GNB1L: variants seen among roughly 807,000 people sequenced by gnomAD.
GNB1L encodes guanine nucleotide-binding protein subunit beta-like protein 1.
Under a neutral mutation model 29.1 loss-of-function variants are expected in GNB1L, and 20 were observed. The ratio of observed to expected loss-of-function variants is 0.69; its 90% CI spans 0.48 to 1.00. The LOEUF (loss-of-function observed/expected upper bound fraction) is 1.00, where lower values mean the gene tolerates loss of function less well. Ranked by LOEUF, GNB1L falls within the 50% of genes least tolerant of loss-of-function variation. GNB1L has a pLI of 0.00. For synonymous variants in GNB1L, 193 were observed against 206.5 expected (o/e 0.93, Z 0.56); for missense variants, 421 against 464.9 (o/e 0.91, Z 0.87).
Position 19,850,978 on chromosome 22 carries a change from T to C in GNB1L, c.-21+3465A>G, listed in dbSNP as rs996477205. On this transcript the variant is annotated intron_variant, in intron 2 of 7. Transcript: ENST00000329517. ...GCAGGGAAAGGGCACAGGGCGGAGG[T>C]CAAGCTCTGCTGGAGTTGGGGGAGC... is the stretch of plus-strand genomic sequence containing the variant. 1.0e-5 allele frequency: 14 copies of C among 1,404,152 alleles called. No homozygotes were observed. In the South Asian group the frequency reaches 1.5e-4, roughly 15 times the overall value. 87.0% of individuals were successfully genotyped at this position (1,404,152 alleles called of 1,614,324 possible).
At position 19,841,020 on chromosome 22, in the gene GNB1L, A is replaced by G. The variant is rs11913214; in HGVS notation, c.-21+13423T>C. Among the ~76,000 whole-genome samples the G allele has an allele frequency of 9.6e-3, 1,459 of 152,316 alleles. 29 individuals are homozygous for G. Among genetic ancestry groups the G allele is most frequent in the African/African-American group, 0.033 (1,372 of 41,582 alleles). On this transcript the variant is annotated intron_variant, in intron 2 of 7. Transcript: ENST00000329517. ...AAAAGTCTAAGAAGTTGTCCTGGCC[A>G]GAGGAGCCTGGGGAGACAGGAGAGC...
intron 7 of GNB1L, among the ~76,000 whole-genome samples, chr22:19,798,078 G>A (rs1339505490): frequency 2.6e-5 from 4 of 152,162 alleles, no homozygotes; most frequent in Non-Finnish European, 5.9e-5. Context: ...CGGCCTTGGC[G>A]CTGCCTCCCC....
chr22:19,838,798 C>G (rs1160549007), intron 2 of GNB1L, among the ~76,000 whole-genome samples: 1 of 152,086 alleles, frequency 6.6e-6, no homozygotes, highest in African/African-American at 2.4e-5. Flanking sequence ...ACATGTTGCC[C>G]AACAATTCTA....
chr22:19,853,789 A>G (rs1938169342), intron 2 of GNB1L, among the ~76,000 whole-genome samples: 1 of 152,084 alleles, frequency 6.6e-6, no homozygotes, highest in South Asian at 2.1e-4. Context: ...GATTATACTA[A>G]GGCCTGGACG....
intron 2 of GNB1L, among the ~76,000 whole-genome samples, chr22:19,832,317 A>T (rs928418831): frequency 1.3e-5 from 2 of 152,320 alleles, no homozygotes; most frequent in Non-Finnish European, 2.9e-5. Context: ...GCAACAGAGC[A>T]AGATTCTATC....
chr22:19,820,800 C>T (rs2145881768), intron 3 of GNB1L, 77 bp from the exon 4 acceptor site: 1 of 1,513,262 alleles, frequency 6.6e-7, no homozygotes, highest in Non-Finnish European at 9.0e-7. Context: ...CTGGAGGCCA[C>T]ATTGTGGGAT....
intron 7 of GNB1L, among the ~76,000 whole-genome samples, chr22:19,795,584 G>A (rs777106659): frequency 1.3e-5 from 2 of 152,154 alleles, no homozygotes; most frequent in African/African-American, 2.4e-5. Flanking sequence ...AATTAAGCTA[G>A]ATTAAAGATA....
rs771911578 is a variant in GNB1L, at chr22:19,802,125, C to G, written c.608G>C (p.Arg203Pro). 1 of 1,613,304 alleles carries G rather than the reference C, an allele frequency of 6.2e-7. No individual in the cohort carries two copies. The highest frequency in any genetic ancestry group is 8.5e-7 in the Non-Finnish European group (1 of 1,179,958). Residue 203 changes from arginine (R) to proline (P), a missense_variant, in exon 7 of 8, where the codon CGC becomes CCC. By Grantham distance (103) the Arg-to-Pro change is moderately radical (BLOSUM62 -2). Transcript: ENST00000329517. Reference protein sequence around the residue: ...WDVSEQKVCSRIACHEEPVMD... With the variant: ...WDVSEQKVCSPIACHEEPVMD... ...GACGGGCTCCTCATGGCAGGCGATGCGGCTGCACACCTTCTGCTCAGAGAC... is the reference window on the plus strand; with the variant it reads ...GACGGGCTCCTCATGGCAGGCGATGGGGCTGCACACCTTCTGCTCAGAGAC...
rs1252977989 is a variant in GNB1L, at chr22:19,812,287, C to T, written c.415G>A (p.Glu139Lys). 15 of 1,611,770 alleles carry T rather than the reference C, an allele frequency of 9.3e-6. No individual in the cohort carries two copies. In the East Asian group the frequency reaches 1.1e-4, roughly 12 times the overall value. ...GCCTCAGGCAGGCTGGCTCTCACCT[C>T]GTCGCTGCCCCTCCCTGGCACGGCA... ...TLAVPGRGSD[E>K]VQILEMPSKT... The change falls in exon 5 of 8, where the codon GAG (glutamate) becomes AAG (lysine). Residue 139 changes from glutamate (E) to lysine (K), a missense_variant and splice_region_variant. Transcript: ENST00000329517.
Position 19,805,768 on chromosome 22 carries a change from C to A in GNB1L, c.516+891G>T, listed in dbSNP as rs544107839. Among the ~76,000 whole-genome samples the A allele has an allele frequency of 2.6e-4, 39 of 150,716 alleles. 1 individual carries two copies. Among genetic ancestry groups the A allele is most frequent in the Middle Eastern group, 6.9e-3 (2 of 290 alleles). On this transcript the variant is annotated intron_variant, in intron 6 of 7. Coordinates refer to ENST00000329517, the MANE Select transcript of GNB1L (RefSeq NM_053004.3). The stretch of plus-strand genomic sequence containing the variant: ...CTGCACTCCAGCCTGGGTGACAGAG[C>A]GAGACTCCATCACAAAAAAAAAATA...
intron 2 of GNB1L, among the ~76,000 whole-genome samples, chr22:19,832,663 C>T (rs1431459061): frequency 6.6e-6 from 1 of 152,182 alleles, no homozygotes; most frequent in Admixed American, 6.5e-5. Flanking sequence ...TGGCCCTGCA[C>T]ACAGAGCCCA....
At chr22:19,820,788 G>T in intron 3 of GNB1L, 65 bp from the exon 4 acceptor site, 1 of 1,541,248 alleles carries the variant, frequency 6.5e-7, no homozygotes, top group Non-Finnish European at 8.8e-7. Context: ...TCTGGGGCCA[G>T]CCTGGAGGCC....
At chr22:19,813,375 A>G (rs995759752) in intron 4 of GNB1L, among the ~76,000 whole-genome samples, 8 of 152,234 alleles carry the variant, frequency 5.3e-5, no homozygotes, top group Non-Finnish European at 1.0e-4. Context: ...AGTGCCAGGC[A>G]GTGAGAAATG....
chr22:19,799,685 C>T (rs1441034464), intron 7 of GNB1L, among the ~76,000 whole-genome samples: 2 of 152,330 alleles, frequency 1.3e-5, no homozygotes, highest in African/African-American at 2.4e-5. Context: ...GCCGTGCCCA[C>T]GTGGCTCTCA....
At position 19,798,460 on chromosome 22, in the gene GNB1L, C is replaced by A. The variant is rs554576061; in HGVS notation, c.732+3541G>T. On this transcript the variant is annotated intron_variant, in intron 7 of 7. Coordinates refer to ENST00000329517, the MANE Select transcript of GNB1L (RefSeq NM_053004.3). The stretch of plus-strand genomic sequence containing the variant: ...CCTCACTGGAAGCCACTGGGGCCTG[C>A]TCAGGGCCCTCTTGACAGGAATTTG... 2.6e-5 allele frequency among the ~76,000 whole-genome samples: 4 copies of A among 152,344 alleles called. No individual in the cohort carries two copies. In the East Asian group the frequency reaches 5.8e-4, roughly 22 times the overall value.
rs772618036 is a variant in GNB1L at position 19,788,687 on chromosome 22, T to C, written c.*22A>G. The C allele has an allele frequency of 1.9e-6, 3 of 1,611,832 alleles. No homozygotes were observed. The South Asian group carries it at 3.3e-5, about 18-fold the overall frequency. ...CACCTCCCTGCCCGCCCTCCTCGTCTCCCGGGAAGGGAGTGGGTGAGTCAT... is the reference window on the plus strand; with the variant it reads ...CACCTCCCTGCCCGCCCTCCTCGTCCCCCGGGAAGGGAGTGGGTGAGTCAT... On this transcript the variant is annotated 3_prime_UTR_variant, in exon 8 of 8. Transcript: ENST00000329517.
intron 7 of GNB1L, chr22:19,792,453 T>G (rs1937261817): frequency 1.3e-6 from 2 of 1,579,096 alleles, no homozygotes; most frequent in African/African-American, 1.3e-5. Flanking sequence ...CCTCACCCAC[T>G]TTGTGAAATG....
At chr22:19,853,513 CCACA>C (rs1378651249) in intron 2 of GNB1L, among the ~76,000 whole-genome samples, 1 of 152,178 alleles carries the variant, frequency 6.6e-6, no homozygotes, top group African/African-American at 2.4e-5. Context: ...CTGCTTCACC[CCACA>C]CACAAACGCC....
chr22:19,847,448 C>T, intron 2 of GNB1L: 2 of 985,452 alleles, frequency 2.0e-6, no homozygotes, highest in South Asian at 9.4e-5. Context: ...CAGACCCCAG[C>T]CAAGGCACTG....
Sources: gnomAD v4.1 joint callset for allele counts (sites outside exome capture counted in the v4.1 genomes callset) on GRCh38, gnomAD v4.1.1 for gene constraint, MANE v1.5 for transcripts, NCBI Gene and HGNC (gene_info 2026-07-23, HGNC 2026-07-21) for gene names.